Variants in SGPP1 observed in about 807,000 individuals in gnomAD.
SGPP1 encodes hSPP1.
SGPP1 carries 21 observed loss-of-function variants against 33.0 expected under a neutral mutation model. The ratio of observed to expected loss-of-function variants is 0.64; its 90% CI spans 0.45 to 0.92. The LOEUF is 0.92. Among genes scored for constraint, SGPP1 ranks in the 40% least tolerant of loss-of-function variants. SGPP1 has a pLI of 0.00. For missense variants in SGPP1, 543 were observed against 589.4 expected, an observed-to-expected ratio of 0.92 and a Z score of 0.81; for synonymous variants, 239 against 241.2, an observed-to-expected ratio of 0.99 and a Z score of 0.08.
intron 1 of SGPP1, among the ~76,000 whole-genome samples, chr14:63,718,520 A>G (rs1421787612): frequency 1.3e-5 from 2 of 152,282 alleles, no homozygotes; most frequent in East Asian, 3.9e-4. Flanking sequence ...AACATTATAC[A>G]AAAATAATAA....
chr14:63,705,802 G>A (rs1023322922), intron 1 of SGPP1, among the ~76,000 whole-genome samples: 11 of 152,148 alleles, frequency 7.2e-5, no homozygotes, highest in African/African-American at 1.9e-4. Flanking sequence ...TGAGTATGTG[G>A]GGAAATTGGA....
intron 1 of SGPP1, among the ~76,000 whole-genome samples, chr14:63,703,023 G>A (rs1011777446): frequency 3.3e-5 from 5 of 152,068 alleles, no homozygotes; most frequent in Admixed American, 2.0e-4. Flanking sequence ...AATGGGGGTC[G>A]TGGAACATAT....
At chr14:63,699,705 T>G (rs1253987261) in intron 1 of SGPP1, among the ~76,000 whole-genome samples, 1 of 150,660 alleles carries the variant, frequency 6.6e-6, no homozygotes, top group African/African-American at 2.5e-5. Context: ...GCCTCCTGAG[T>G]AGCTGGAACT....
intron 1 of SGPP1, among the ~76,000 whole-genome samples, chr14:63,719,387 A>C: frequency 6.6e-6 from 1 of 151,988 alleles, no homozygotes; most frequent in East Asian, 1.9e-4. Flanking sequence ...CAACACTGAA[A>C]GCATAGGAAA....
intron 2 of SGPP1, among the ~76,000 whole-genome samples, chr14:63,690,988 T>C (rs1055790188): frequency 6.6e-6 from 1 of 152,252 alleles, no homozygotes; most frequent in African/African-American, 2.4e-5. Context: ...GTGCTGGGGT[T>C]ACAGGTGTAA....
chr14:63,727,192 G>A (rs1885899491), intron 1 of SGPP1, 69 bp downstream of exon 1: 4 of 1,498,154 alleles, frequency 2.7e-6, no homozygotes, highest in African/African-American at 1.4e-5. Flanking sequence ...TAAAATAAAT[G>A]CAGAGAGCAA....
chr14:63,720,340 AGGAT>A (rs1211498991), intron 1 of SGPP1, among the ~76,000 whole-genome samples: 1 of 152,052 alleles, frequency 6.6e-6, no homozygotes, highest in Non-Finnish European at 1.5e-5. Flanking sequence ...AAGGAAAAGA[AGGAT>A]GGATGGATGG....
At chr14:63,722,971 CAAAAA>C (rs780291066) in intron 1 of SGPP1, among the ~76,000 whole-genome samples, 1 of 68,976 alleles carries the variant, frequency 1.4e-5, no homozygotes. Context: ...GACCCTGTCT[CAAAAA>C]AAAAAAAAAA....
chr14:63,728,048 C>T lies in SGPP1; in HGVS notation c.-104G>A, dbSNP rs953264570. The T allele has an allele frequency of 1.5e-4, 182 of 1,195,396 alleles. No individual in the cohort carries two copies. The highest frequency in any genetic ancestry group is 7.0e-4 in the South Asian group (25 of 35,540). The allele number at this position is 1,195,396 out of a possible 1,614,324, so 74.0% of individuals were successfully genotyped here. On this transcript the variant is annotated 5_prime_UTR_variant, in exon 1 of 3. Coordinates refer to ENST00000247225, the MANE Select transcript of SGPP1 (RefSeq NM_030791.4). ...GGAACCGGCACAGCGCTCTACCCTC[C>T]GGAGTCTGCCGGGTGACGGCGCCAC...
At chr14:63,705,069 G>C (rs1405190960) in intron 1 of SGPP1, among the ~76,000 whole-genome samples, 1 of 151,798 alleles carries the variant, frequency 6.6e-6, no homozygotes, top group African/African-American at 2.4e-5. Context: ...GGGGGTTGCA[G>C]TGAGCCGAGA....
chr14:63,715,654 G>A (rs1320351865), intron 1 of SGPP1, among the ~76,000 whole-genome samples: 1 of 152,158 alleles, frequency 6.6e-6, no homozygotes, highest in Non-Finnish European at 1.5e-5. Flanking sequence ...GTTAAGGGGA[G>A]AAAGACTAGT....
intron 2 of SGPP1, among the ~76,000 whole-genome samples, chr14:63,688,708 T>C (rs113338490): frequency 0.045 from 6,700 of 150,126 alleles, 263 homozygotes; most frequent in African/African-American, 0.098. Context: ...AAAACAACCG[T>C]CATTTCTTTT....
intron 2 of SGPP1, among the ~76,000 whole-genome samples, chr14:63,692,743 C>T (rs1885112995): frequency 1.3e-5 from 2 of 152,182 alleles, no homozygotes; most frequent in South Asian, 2.1e-4. Flanking sequence ...TTATCCACCA[C>T]ATCCAGCCTC....
At chr14:63,692,369 T>C (rs1391670219) in intron 2 of SGPP1, among the ~76,000 whole-genome samples, 2 of 152,322 alleles carry the variant, frequency 1.3e-5, no homozygotes, top group South Asian at 2.1e-4. Context: ...ACATTGAAGG[T>C]ACTTGACACA....
intron 1 of SGPP1, among the ~76,000 whole-genome samples, chr14:63,717,825 G>C (rs561955694): frequency 6.6e-6 from 1 of 152,220 alleles, no homozygotes; most frequent in East Asian, 1.9e-4. Context: ...GAGAAAAAGA[G>C]AAAATTTTAA....
At chr14:63,702,735 T>G (rs996309031) in intron 1 of SGPP1, among the ~76,000 whole-genome samples, 3 of 151,942 alleles carry the variant, frequency 2.0e-5, no homozygotes, top group Non-Finnish European at 4.4e-5. Context: ...GAAAACATTT[T>G]GGGGAACACT....
intron 2 of SGPP1, among the ~76,000 whole-genome samples, chr14:63,693,742 T>C (rs1885132445): frequency 6.6e-6 from 1 of 152,100 alleles, no homozygotes; most frequent in Non-Finnish European, 1.5e-5. Flanking sequence ...ACCTCGTGAG[T>C]AGCTGGGATT....
intron 1 of SGPP1, among the ~76,000 whole-genome samples, chr14:63,700,287 T>C (rs1291421717): frequency 1.3e-5 from 2 of 152,156 alleles, no homozygotes; most frequent in African/African-American, 4.8e-5. Context: ...TATCCAACTC[T>C]GCACATATTT....
chr14:63,708,636 A>T (rs1356825727), intron 1 of SGPP1, among the ~76,000 whole-genome samples: 2 of 152,200 alleles, frequency 1.3e-5, no homozygotes, highest in Non-Finnish European at 2.9e-5. Flanking sequence ...GGCAGACATT[A>T]GGAGAAATAA....
Sources: gnomAD v4.1 joint callset for allele counts (sites outside exome capture counted in the v4.1 genomes callset) on GRCh38, gnomAD v4.1.1 for gene constraint, MANE v1.5 for transcripts, NCBI Gene and HGNC (gene_info 2026-07-23, HGNC 2026-07-21) for gene names.